The following APBB2 variants were observed in gnomAD, a reference collection of about 807,000 sequenced individuals.
APBB2 encodes amyloid beta precursor protein binding family B member 2.
In APBB2, 38 loss-of-function variants were observed where a neutral mutation model predicts 82.5. The observed-to-expected ratio is 0.46, with a 90% CI of 0.36 to 0.60. The LOEUF is 0.60. Ranked by LOEUF, APBB2 falls within the 20% of genes least tolerant of loss-of-function variation. APBB2 has a pLI of 0.00. For missense variants in APBB2, 772 were observed against 972.3 expected (o/e 0.79, Z 2.74); for synonymous variants, 341 against 368.2 (o/e 0.93, Z 0.85).
chr4:40,886,984 C>T (rs189377403), intron 12 of APBB2, among the ~76,000 whole-genome samples: 1 of 152,312 alleles, frequency 6.6e-6, no homozygotes, highest in African/African-American at 2.4e-5. Context: ...AGCAAATGGG[C>T]CCCAAGAAAC....
rs74519276 is a variant in APBB2, at chr4:40,943,957, A to G, written c.1044+908T>C. On this transcript the variant is annotated intron_variant, in intron 7 of 17. Coordinates refer to ENST00000508593, the MANE Select transcript of APBB2 (RefSeq NM_004307.2). ...CCCAGAGAAGAACAAGTACATAATC[A>G]AAGATTTAGGAAATAAGACATTGTC... Among the ~76,000 whole-genome samples the G allele has an allele frequency of 6.1e-3, 923 of 152,378 alleles. 5 individuals are homozygous for G. The highest frequency in any genetic ancestry group is 0.01 in the Non-Finnish European group (699 of 68,036).
chr4:40,939,305 T>C (rs1291063365), intron 7 of APBB2, among the ~76,000 whole-genome samples: 1 of 152,158 alleles, frequency 6.6e-6, no homozygotes, highest in African/African-American at 2.4e-5. Flanking sequence ...CAAACAGGAC[T>C]AAGAAGGCCT....
intron 6 of APBB2, among the ~76,000 whole-genome samples, chr4:40,955,276 A>G (rs1791304076): frequency 6.6e-6 from 1 of 152,216 alleles, no homozygotes; most frequent in African/African-American, 2.4e-5. Flanking sequence ...AGCATTTCTG[A>G]AAGAGGGAAC....
Position 40,935,783 on chromosome 4 carries a change from G to A in APBB2, c.1045-644C>T, listed in dbSNP as rs190445633. Among the ~76,000 whole-genome samples, 593 of 151,022 alleles carry A rather than the reference G, an allele frequency of 3.9e-3. 2 individuals are homozygous for A. The highest frequency in any genetic ancestry group is 6.9e-3 in the Non-Finnish European group (468 of 67,834). ...CTACTTTTTTTTTTTTGCTTCAAAA[G>A]CTTCTTCACAAATTAATACTTGATC... is the stretch of plus-strand genomic sequence containing the variant. On this transcript the variant is annotated intron_variant, in intron 7 of 17. Coordinates refer to ENST00000508593, the MANE Select transcript of APBB2 (RefSeq NM_004307.2).
At chr4:40,851,069 G>T (rs1759184294) in intron 12 of APBB2, among the ~76,000 whole-genome samples, 1 of 152,120 alleles carries the variant, frequency 6.6e-6, no homozygotes, top group Admixed American at 6.5e-5. Flanking sequence ...AACACTTCGT[G>T]GAGCCCAGTG....
chr4:41,156,186 G>A (rs6447675), intron 1 of APBB2, among the ~76,000 whole-genome samples: 38,100 of 151,774 alleles, frequency 0.25, 5,215 homozygotes, highest in African/African-American at 0.36. Context: ...AAATGGGTGC[G>A]AAAATAGGAA....
intron 12 of APBB2, among the ~76,000 whole-genome samples, chr4:40,836,223 T>G (rs1753887211): frequency 6.6e-6 from 1 of 152,100 alleles, no homozygotes; most frequent in Non-Finnish European, 1.5e-5. Context: ...ATGCCTGTAA[T>G]CCCAGCATTT....
intron 1 of APBB2, among the ~76,000 whole-genome samples, chr4:41,172,308 G>A (rs1768516473): frequency 6.6e-6 from 1 of 150,622 alleles, no homozygotes; most frequent in Admixed American, 6.6e-5. Context: ...CATCTAGACT[G>A]TCTTCCCACC....
At chr4:41,033,981 C>T (rs1012777149) in intron 4 of APBB2, among the ~76,000 whole-genome samples, 1 of 152,084 alleles carries the variant, frequency 6.6e-6, no homozygotes, top group Non-Finnish European at 1.5e-5. Context: ...GATTAATAAG[C>T]CAGATAATAC....
chr4:40,934,057 GC>G (rs1784835647), intron 10 of APBB2, among the ~76,000 whole-genome samples: 1 of 152,198 alleles, frequency 6.6e-6, no homozygotes, highest in Non-Finnish European at 1.5e-5. Flanking sequence ...ATTTCACCTT[GC>G]ACAGATATGA....
intron 10 of APBB2, among the ~76,000 whole-genome samples, chr4:40,933,368 C>T (rs1345325182): frequency 6.6e-6 from 1 of 152,158 alleles, no homozygotes; most frequent in Non-Finnish European, 1.5e-5. Context: ...AAGCCAGGAA[C>T]CCTCTCTTCC....
At chr4:40,969,311 T>C (rs190459817) in intron 6 of APBB2, among the ~76,000 whole-genome samples, 30 of 152,332 alleles carry the variant, frequency 2.0e-4, no homozygotes, top group African/African-American at 7.2e-4. Flanking sequence ...GTGAGATCCA[T>C]AATAAATGCT....
intron 1 of APBB2, among the ~76,000 whole-genome samples, chr4:41,152,344 A>C (rs189800109): frequency 5.0e-4 from 72 of 144,968 alleles, no homozygotes; most frequent in African/African-American, 1.8e-3. Flanking sequence ...TTTTCTTGAG[A>C]TGGAGTCTCA....
chr4:41,138,860 T>C (rs1403175395), intron 2 of APBB2, among the ~76,000 whole-genome samples: 2 of 152,098 alleles, frequency 1.3e-5, no homozygotes, highest in Non-Finnish European at 2.9e-5. Context: ...TAAAAAACTA[T>C]CAGTACTGAT....
At chr4:40,918,720 T>TCCTCCCTC (rs541666022) in intron 10 of APBB2, among the ~76,000 whole-genome samples, 48 of 143,694 alleles carry the variant, frequency 3.3e-4, no homozygotes, top group African/African-American at 1.1e-3. Flanking sequence ...CTTCCTTCCT[T>TCCTCCCTC]CCTCCCTCCC....
At chr4:41,015,690 T>A (rs1336749708) in intron 5 of APBB2, among the ~76,000 whole-genome samples, 1 of 152,196 alleles carries the variant, frequency 6.6e-6, no homozygotes, top group Non-Finnish European at 1.5e-5. Context: ...AGTATGACCA[T>A]GTGGCCCATA....
chr4:40,912,643 CTG>C (rs1436830672), intron 10 of APBB2, among the ~76,000 whole-genome samples: 1 of 151,678 alleles, frequency 6.6e-6, no homozygotes, highest in Non-Finnish European at 1.5e-5. Context: ...CTGAGAGTGA[CTG>C]TGGAAATTCC....
chr4:41,005,898 C>T (rs1806575114), intron 6 of APBB2, among the ~76,000 whole-genome samples: 2 of 152,162 alleles, frequency 1.3e-5, no homozygotes, highest in Admixed American at 6.5e-5. Context: ...CCCTAACATC[C>T]ACATCCCAAC....
At chr4:40,996,445 C>A (rs544851195) in intron 6 of APBB2, among the ~76,000 whole-genome samples, 39 of 152,320 alleles carry the variant, frequency 2.6e-4, no homozygotes, top group African/African-American at 8.9e-4. Context: ...GAGTCCCAGA[C>A]AGGGTGCAGA....
Sources: gnomAD v4.1 joint callset for allele counts (sites outside exome capture counted in the v4.1 genomes callset) on GRCh38, gnomAD v4.1.1 for gene constraint, MANE v1.5 for transcripts, NCBI Gene and HGNC (gene_info 2026-07-23, HGNC 2026-07-21) for gene names.